The following MTHFD2L variants were observed in gnomAD, a reference collection of about 807,000 sequenced individuals.
The protein encoded by MTHFD2L is bifunctional methylenetetrahydrofolate dehydrogenase/cyclohydrolase 2, mitochondrial.
A neutral mutation model predicts 34.9 loss-of-function variants in MTHFD2L; 29 were observed. The observed-to-expected ratio is 0.83, with a 90% CI of 0.62 to 1.13. The LOEUF (loss-of-function observed/expected upper bound fraction) is 1.13, where lower values mean the gene tolerates loss of function less well. Among genes scored for constraint, MTHFD2L ranks in the 50% most tolerant of loss-of-function variants. The pLI is 0.00. For missense variants in MTHFD2L, 481 were observed against 446.5 expected, an observed-to-expected ratio of 1.08 and a Z score of -0.70; for synonymous variants, 167 against 155.7, an observed-to-expected ratio of 1.07 and a Z score of -0.54.
At chr4:74,243,946 A>G (rs1198237842) in intron 6 of MTHFD2L, among the ~76,000 whole-genome samples, 1 of 152,170 alleles carries the variant, frequency 6.6e-6, no homozygotes, top group Non-Finnish European at 1.5e-5. Context: ...ACACTGCTCA[A>G]TCTGTTGGTA....
chr4:74,186,438 G>GAAAAAAAAAAAAAA (rs59325238), intron 3 of MTHFD2L, among the ~76,000 whole-genome samples: 2 of 88,196 alleles, frequency 2.3e-5, no homozygotes, highest in Non-Finnish European at 4.1e-5. Flanking sequence ...GGGAATCCAT[G>GAAAAAAAAAAAAAA]AAAAAAAAAA....
At chr4:74,156,978 T>C (rs1369049947), upstream of MTHFD2L, 1 of 152,234 alleles carries the variant, frequency 6.6e-6, no homozygotes, top group Non-Finnish European at 1.5e-5. Context: ...GTTTTGCGAA[T>C]ATTTTCTCCC....
At chr4:74,221,132 G>A (rs535440913) in intron 5 of MTHFD2L, among the ~76,000 whole-genome samples, 78 of 149,106 alleles carry the variant, frequency 5.2e-4, no homozygotes, top group African/African-American at 1.7e-3. Context: ...TTTTTTTTCC[G>A]ATTTTGTCAA....
intron 6 of MTHFD2L, among the ~76,000 whole-genome samples, chr4:74,262,264 A>G (rs918370469): frequency 2.0e-5 from 3 of 152,018 alleles, no homozygotes; most frequent in Non-Finnish European, 4.4e-5. Context: ...ACATAAATTA[A>G]AAACAACAAA....
rs768771572 is a variant in MTHFD2L, at chr4:74,200,016, A to G, written c.604+70A>G. On this transcript the variant is annotated intron_variant, in intron 4 of 7. Coordinates refer to ENST00000325278, the MANE Select transcript of MTHFD2L (RefSeq NM_001144978.3). ...CTGAGCCTTTGTGCACTGAGACTTG[A>G]TGGGACTACCTCAGTCCTATAGAGT... The G allele has an allele frequency of 3.0e-4, 428 of 1,419,366 alleles. 1 individual carries two copies. The highest frequency in any genetic ancestry group is 4.2e-4 in the Non-Finnish European group (421 of 1,009,748). The allele number at this position is 1,419,366 out of a possible 1,614,324, so 87.9% of individuals were successfully genotyped here. A position where few individuals can be genotyped will look rare whatever the true frequency, so the allele number is the denominator to read the frequency against.
At chr4:74,172,155 G>A (rs1279906749) in intron 1 of MTHFD2L, among the ~76,000 whole-genome samples, 2 of 152,168 alleles carry the variant, frequency 1.3e-5, no homozygotes, top group African/African-American at 4.8e-5. Context: ...TGGTTGCCTG[G>A]AATGGTGAAT....
At chr4:74,144,131 A>AT (rs995624597) in intron 1 of MTHFD2L, among the ~76,000 whole-genome samples, 3 of 152,244 alleles carry the variant, frequency 2.0e-5, no homozygotes, top group African/African-American at 7.2e-5. Flanking sequence ...AGTACATAAG[A>AT]TTTTTTATTC....
intron 6 of MTHFD2L, among the ~76,000 whole-genome samples, chr4:74,233,768 T>G (rs1484872821): frequency 2.6e-5 from 4 of 152,058 alleles, no homozygotes; most frequent in Non-Finnish European, 4.4e-5. Flanking sequence ...GTTTTATTTT[T>G]TTTTCTTCAT....
intron 6 of MTHFD2L, among the ~76,000 whole-genome samples, chr4:74,274,604 G>A (rs770900059): frequency 1.3e-5 from 2 of 152,140 alleles, no homozygotes; most frequent in Non-Finnish European, 1.5e-5. Flanking sequence ...AAATATCACC[G>A]AAACAATTCA....
intron 1 of MTHFD2L, among the ~76,000 whole-genome samples, chr4:74,159,278 G>A (rs1019285000): frequency 4.6e-5 from 7 of 152,192 alleles, no homozygotes; most frequent in Admixed American, 3.9e-4. Flanking sequence ...AAGGATATGT[G>A]AGAAAATAAC....
At chr4:74,144,063 T>C (rs1051426979) in intron 1 of MTHFD2L, among the ~76,000 whole-genome samples, 5 of 152,218 alleles carry the variant, frequency 3.3e-5, no homozygotes, top group African/African-American at 1.2e-4. Flanking sequence ...TATACTGCTC[T>C]GTATCCTGCC....
intron 1 of MTHFD2L, among the ~76,000 whole-genome samples, chr4:74,163,769 C>T (rs188984690): frequency 1.2e-4 from 19 of 152,248 alleles, no homozygotes; most frequent in East Asian, 1.9e-4. Flanking sequence ...CTCAAGACAT[C>T]GAAGATATGC....
intron 6 of MTHFD2L, among the ~76,000 whole-genome samples, chr4:74,264,258 A>G (rs1391133447): frequency 6.6e-6 from 1 of 152,102 alleles, no homozygotes; most frequent in Non-Finnish European, 1.5e-5. Context: ...AGGAGGAAGT[A>G]AAACTGTCTT....
At chr4:74,181,035 T>C (rs1208144219) in intron 3 of MTHFD2L, among the ~76,000 whole-genome samples, 1 of 151,994 alleles carries the variant, frequency 6.6e-6, no homozygotes, top group Non-Finnish European at 1.5e-5. Context: ...ATTAGAAAAA[T>C]AGTCTTTTAA....
intron 6 of MTHFD2L, among the ~76,000 whole-genome samples, chr4:74,234,425 C>T (rs1040682923): frequency 6.6e-6 from 1 of 152,020 alleles, no homozygotes; most frequent in Non-Finnish European, 1.5e-5. Flanking sequence ...TTTGCCCATG[C>T]TAATAGATGT....
At chr4:74,280,779 T>G (rs1455660173) in intron 6 of MTHFD2L, among the ~76,000 whole-genome samples, 2 of 152,046 alleles carry the variant, frequency 1.3e-5, no homozygotes, top group Non-Finnish European at 2.9e-5. Context: ...GAGAGCTTAC[T>G]ATACATGACA....
intron 7 of MTHFD2L, among the ~76,000 whole-genome samples, chr4:74,285,081 A>G (rs1341053598): frequency 6.6e-6 from 1 of 152,100 alleles, no homozygotes; most frequent in African/African-American, 2.4e-5. Flanking sequence ...TCAGCAAACT[A>G]TCGCAAGGAC....
intron 6 of MTHFD2L, chr4:74,241,804 G>T (rs1445080702): frequency 6.1e-6 from 1 of 164,486 alleles, no homozygotes; most frequent in Non-Finnish European, 1.3e-5. Context: ...CAGTGAAAAG[G>T]AATGAACTAT....
intron 1 of MTHFD2L, among the ~76,000 whole-genome samples, chr4:74,150,502 C>T (rs1307785850): frequency 2.0e-5 from 3 of 152,214 alleles, no homozygotes; most frequent in African/African-American, 7.2e-5. Context: ...GATCCGCCCG[C>T]CTAGGCTTCC....
Sources: allele counts gnomAD v4.1 joint callset (sites outside exome capture counted in the v4.1 genomes callset), GRCh38; gene constraint gnomAD v4.1.1; transcripts MANE v1.5; gene names NCBI Gene and HGNC (gene_info 2026-07-23, HGNC 2026-07-21).